Variants in KIAA0753 observed in about 807,000 individuals in gnomAD.
KIAA0753 encodes the protein protein moonraker.
In KIAA0753, 114 loss-of-function variants were observed where a neutral mutation model predicts 116.9. The observed-to-expected ratio is 0.98, with a 90% CI of 0.84 to 1.14. The LOEUF (loss-of-function observed/expected upper bound fraction) is 1.14. Ranked by LOEUF, KIAA0753 falls within the 50% of genes most tolerant of loss-of-function variation. The probability of loss-of-function intolerance (pLI) is 0.00; values close to 1 mark genes in which losing one functional copy is unlikely to be tolerated. For missense variants in KIAA0753, 1,156 were observed against 1,172.4 expected, an observed-to-expected ratio of 0.99 and a Z score of 0.20; for synonymous variants, 405 against 413.1, an observed-to-expected ratio of 0.98 and a Z score of 0.24.
Position 6,608,465 on chromosome 17 carries a change from C to T in KIAA0753, c.1713-1G>A. ...AGTTTTCACCTTTAGCCATGCAGCACTGAAATAAATGGAAAAGCATACCTT... is the reference window on the plus strand; with the variant it reads ...AGTTTTCACCTTTAGCCATGCAGCATTGAAATAAATGGAAAAGCATACCTT... On this transcript the variant is annotated splice_acceptor_variant, in intron 9 of 18. Transcript: ENST00000361413. LOFTEE classifies it high-confidence loss of function. 1 of 1,486,080 alleles carries T rather than the reference C, an allele frequency of 6.7e-7. No individual in the cohort carries two copies. 92.1% of individuals were successfully genotyped at this position (1,486,080 alleles called of 1,614,324 possible). A position where few individuals can be genotyped will look rare whatever the true frequency, so the allele number is the denominator to read the frequency against.
At chr17:6,613,413 TAAGTTGATCCAA>T (rs1335900331) in intron 7 of KIAA0753, among the ~76,000 whole-genome samples, 1 of 152,174 alleles carries the variant, frequency 6.6e-6, no homozygotes, top group Non-Finnish European at 1.5e-5. Context: ...AGGATCTAAA[TAAGTTGATCCAA>T]AATTCATACA....
chr17:6,607,564 A>G (rs1014201571), intron 10 of KIAA0753, among the ~76,000 whole-genome samples: 3 of 152,226 alleles, frequency 2.0e-5, no homozygotes, highest in African/African-American at 4.8e-5. Context: ...AACCATTGCT[A>G]TATCTTCAAG....
rs1157138091 is a variant in KIAA0753 at position 6,609,924 on chromosome 17, C to T, written c.1712+70G>A. 3.3e-6 allele frequency: 5 copies of T among 1,536,550 alleles called. No individual in the cohort carries two copies. The Admixed American group carries it at 5.4e-5, about 17-fold the overall frequency. On this transcript the variant is annotated intron_variant, in intron 9 of 18. Transcript: ENST00000361413. ...TACTTAATTTGCTCCTTATAAGCTA[C>T]AGGTCACCTTTGATATATGGAGGAA...
At chr17:6,603,979 G>A (rs183870056) in intron 12 of KIAA0753, among the ~76,000 whole-genome samples, 3 of 152,296 alleles carry the variant, frequency 2.0e-5, no homozygotes, top group African/African-American at 7.2e-5. Context: ...AAAAAGCAGA[G>A]TGACACCACC....
At chr17:6,592,153 GAAC>G (rs1969117474) in intron 16 of KIAA0753, among the ~76,000 whole-genome samples, 1 of 152,176 alleles carries the variant, frequency 6.6e-6, no homozygotes, top group East Asian at 1.9e-4. Context: ...GGGGAAGAGA[GAAC>G]AACAGTAGCA....
In KIAA0753 at chr17:6,628,367, C is replaced by A. The variant is rs1971810566; in HGVS notation, c.468G>T (p.Gln156His). Residue 156 changes from glutamine (Q) to histidine (H), a missense_variant, in exon 3 of 19, where the codon CAG (glutamine) becomes CAT (histidine). Gln to His is a conservative substitution (Grantham distance 24). Coordinates refer to ENST00000361413, the MANE Select transcript of KIAA0753 (RefSeq NM_014804.3). Reference protein sequence around the residue: ...RKESKSQAACQCSHQPSKVEI... With the variant: ...RKESKSQAACHCSHQPSKVEI... ...CTACTTTGGATGGCTGGTGGCTACA[C>A]TGACAGGCTGCTTGACTCTTTGATT... is the stretch of plus-strand genomic sequence containing the variant. 6.2e-7 allele frequency: 1 copy of A among 1,614,216 alleles called. No homozygotes were observed. The highest frequency in any genetic ancestry group is 8.5e-7 in the Non-Finnish European group (1 of 1,180,026).
At chr17:6,622,603 G>A (rs1424031216) in intron 6 of KIAA0753, among the ~76,000 whole-genome samples, 1 of 152,224 alleles carries the variant, frequency 6.6e-6, no homozygotes, top group African/African-American at 2.4e-5. Context: ...AATGGCATGG[G>A]CCAGGGAATG....
At chr17:6,590,777 G>T in intron 16 of KIAA0753, 147 bp from the exon 17 acceptor site, 1 of 691,710 alleles carries the variant, frequency 1.4e-6, no homozygotes, top group Non-Finnish European at 2.4e-6. Flanking sequence ...ATGGGAAAAT[G>T]CTCATTTTAA....
At chr17:6,629,995 G>A (rs1971921889) in intron 2 of KIAA0753, among the ~76,000 whole-genome samples, 1 of 152,116 alleles carries the variant, frequency 6.6e-6, no homozygotes, top group South Asian at 2.1e-4. Context: ...GATGGCACAT[G>A]CCTGTAATCC....
At chr17:6,591,008 AG>A (rs906361467) in intron 16 of KIAA0753, among the ~76,000 whole-genome samples, 1 of 87,082 alleles carries the variant, frequency 1.1e-5, no homozygotes, top group African/African-American at 4.3e-5. Flanking sequence ...AGGAAGAAGA[AG>A]GAAGAAGAAG....
At chr17:6,617,190 A>G (rs1464601204) in intron 7 of KIAA0753, among the ~76,000 whole-genome samples, 1 of 152,150 alleles carries the variant, frequency 6.6e-6, no homozygotes, top group East Asian at 1.9e-4. Flanking sequence ...TTCTTATTCA[A>G]TTACACTTCT....
chr17:6,620,152 C>T (rs1054734314), intron 7 of KIAA0753, among the ~76,000 whole-genome samples: 4 of 152,064 alleles, frequency 2.6e-5, no homozygotes, highest in East Asian at 3.9e-4. Flanking sequence ...TGTGAAGAAA[C>T]GACAACCCTC....
chr17:6,632,868 C>CA (rs1321936645), intron 2 of KIAA0753, among the ~76,000 whole-genome samples: 1 of 152,090 alleles, frequency 6.6e-6, no homozygotes, highest in African/African-American at 2.4e-5. Flanking sequence ...TAAAAAAAAT[C>CA]AATGTCACAA....
At chr17:6,581,172 G>A (rs182919625) in intron 18 of KIAA0753, among the ~76,000 whole-genome samples, 60 of 152,090 alleles carry the variant, frequency 3.9e-4, no homozygotes, top group Non-Finnish European at 6.5e-4. Context: ...ATTCCATGTC[G>A]CATTTTGTTG....
chr17:6,625,050 A>G lies in KIAA0753; in HGVS notation c.719-189T>C, dbSNP rs1217758627. Among the ~76,000 whole-genome samples, 5 of 152,224 alleles carry G rather than the reference A, an allele frequency of 3.3e-5. 1 individual carries two copies. Reference sequence around the variant, plus strand: ...AAACCAGCAGTAAGTGGAGCTGTGTACTGACTGAGAGATGGAAGGGACATA... The same window carrying G: ...AAACCAGCAGTAAGTGGAGCTGTGTGCTGACTGAGAGATGGAAGGGACATA... On this transcript the variant is annotated intron_variant, in intron 3 of 18. Coordinates refer to ENST00000361413, the MANE Select transcript of KIAA0753 (RefSeq NM_014804.3).
rs745677835 is a variant in KIAA0753 at position 6,579,788 on chromosome 17, C to G, written c.2863G>C (p.Glu955Gln). 27 of 1,613,788 alleles carry G rather than the reference C, an allele frequency of 1.7e-5. No homozygotes were observed. The highest frequency in any genetic ancestry group is 1.6e-4 in the Middle Eastern group (1 of 6,084). The change falls in exon 19 of 19, where the codon GAA becomes CAA. Residue 955 changes from glutamate to glutamine, a missense_variant. Glu to Gln is a conservative substitution (Grantham distance 29). Transcript: ENST00000361413. Reference protein sequence around the residue: ...ELQDMCEDYAEAVFTSEFLEA... With the variant: ...ELQDMCEDYAQAVFTSEFLEA... ...AAGAATTCTGAGGTGAACACAGCTTCTGCATAATCTTCGCACATATCCTGA... is the reference window on the plus strand; with the variant it reads ...AAGAATTCTGAGGTGAACACAGCTTGTGCATAATCTTCGCACATATCCTGA...
In KIAA0753 at chr17:6,596,231, G is replaced by A. The variant is rs1460554847; in HGVS notation, c.2285C>T (p.Thr762Ile). Residue 762 changes from threonine to isoleucine, a missense_variant, in exon 15 of 19, where the codon ACC becomes ATC. Transcript: ENST00000361413. ...CTTGCTGTCCTCAACGGTGGCTAAG[G>A]TTTCAGACCCCAAGATCTTAGCATG... is the stretch of plus-strand genomic sequence containing the variant. The part of the protein sequence containing the change: ...VTHAKILGSE[T>I]LATVEDSKDS... 1 of 1,613,840 alleles carries A rather than the reference G, an allele frequency of 6.2e-7. No homozygotes were observed. Among genetic ancestry groups the A allele is most frequent in the Non-Finnish European group, 8.5e-7 (1 of 1,179,852 alleles).
chr17:6,615,091 G>A (rs368843541), intron 7 of KIAA0753, among the ~76,000 whole-genome samples: 7 of 152,214 alleles, frequency 4.6e-5, no homozygotes, highest in South Asian at 2.1e-4. Context: ...GTGCCACCAC[G>A]CCTGGCTAAT....
intron 16 of KIAA0753, 50 bp downstream of exon 16, chr17:6,594,922 G>T: frequency 7.0e-7 from 1 of 1,422,136 alleles, no homozygotes; most frequent in Non-Finnish European, 9.8e-7. Context: ...CTGTATGTTT[G>T]AAATTCTTCA....
Sources: allele counts gnomAD v4.1 joint callset (sites outside exome capture counted in the v4.1 genomes callset), GRCh38; gene constraint gnomAD v4.1.1; transcripts MANE v1.5; gene names NCBI Gene and HGNC (gene_info 2026-07-23, HGNC 2026-07-21).